The following NAV3 variants were observed in gnomAD, a reference collection of about 807,000 sequenced individuals.
NAV3 encodes pore membrane and/or filament interacting like protein 1.
Under a neutral mutation model 244.7 loss-of-function variants are expected in NAV3, and 87 were observed. That is an observed-to-expected ratio of 0.36 (90% CI 0.30 to 0.42). The LOEUF (loss-of-function observed/expected upper bound fraction) is 0.42. NAV3 is among the 20% of genes least tolerant of loss of function. The probability of loss-of-function intolerance (pLI) is 1.00; values close to 1 mark genes in which losing one functional copy is unlikely to be tolerated. For synonymous variants in NAV3, 1,126 were observed against 1,042.2 expected (o/e 1.08, Z -1.55); for missense variants, 2,663 against 2,893.3 (o/e 0.92, Z 1.83).
intron 34 of NAV3, among the ~76,000 whole-genome samples, chr12:78,192,446 C>T (rs1222637613): frequency 6.6e-6 from 1 of 150,614 alleles, no homozygotes; most frequent in Non-Finnish European, 1.5e-5. Flanking sequence ...TGCTCTGTTG[C>T]CCAAGCTGGA....
At chr12:77,728,541 G>T (rs532867431) in intron 2 of NAV3, among the ~76,000 whole-genome samples, 2 of 151,892 alleles carry the variant, frequency 1.3e-5, no homozygotes, top group Non-Finnish European at 2.9e-5. Context: ...TGGACAAAAT[G>T]ATATAAAACA....
chr12:78,184,827 A>T (rs982251301), intron 30 of NAV3, among the ~76,000 whole-genome samples: 10 of 151,812 alleles, frequency 6.6e-5, no homozygotes, highest in South Asian at 2.1e-4. Context: ...GTTCTATGAT[A>T]GTATTATTAT....
chr12:78,059,192 A>G, intron 12 of NAV3, 77 bp downstream of exon 12: 1 of 1,373,548 alleles, frequency 7.3e-7, no homozygotes, highest in African/African-American at 1.5e-5. Context: ...GAAAACTCCT[A>G]TTAAACAGTG....
intron 39 of NAV3, among the ~76,000 whole-genome samples, chr12:78,209,328 T>C (rs1960654931): frequency 6.8e-6 from 1 of 147,530 alleles, no homozygotes; most frequent in Non-Finnish European, 1.5e-5. Flanking sequence ...GTTTTTTAGA[T>C]TTCTCCTTTC....
chr12:77,668,213 CCAAA>C (rs910234146), intron 2 of NAV3, among the ~76,000 whole-genome samples: 1 of 152,044 alleles, frequency 6.6e-6, no homozygotes, highest in African/African-American at 2.4e-5. Context: ...AGTAATATGA[CCAAA>C]CAAAGTTCTT....
chr12:77,877,324 G>T (rs1170160277), intron 1 of NAV3, among the ~76,000 whole-genome samples: 1 of 151,564 alleles, frequency 6.6e-6, no homozygotes, highest in African/African-American at 2.4e-5. Context: ...AATTTCAATG[G>T]GCTTTGCTTA....
At chr12:77,930,761 T>G (rs931110437) in intron 1 of NAV3, among the ~76,000 whole-genome samples, 1 of 152,236 alleles carries the variant, frequency 6.6e-6, no homozygotes, top group Non-Finnish European at 1.5e-5. Context: ...CTTAGAATGT[T>G]TTTGTATAAT....
At chr12:77,940,565 T>C in intron 2 of NAV3, 129 bp downstream of exon 2, 1 of 699,978 alleles carries the variant, frequency 1.4e-6, no homozygotes, top group Non-Finnish European at 2.4e-6. Context: ...TCTCCCCTGA[T>C]TTAATTAAAA....
chr12:77,635,078 A>G (rs1872098544), intron 2 of NAV3, among the ~76,000 whole-genome samples: 1 of 152,086 alleles, frequency 6.6e-6, no homozygotes, highest in South Asian at 2.1e-4. Context: ...AGAACACAAA[A>G]ACTAGCCAGG....
At position 78,118,301 on chromosome 12, in the gene NAV3, G is replaced by A. The variant is rs773172571; in HGVS notation, c.3040+4G>A. The A allele has an allele frequency of 7.0e-6, 11 of 1,582,206 alleles. No individual in the cohort carries two copies. The highest frequency in any genetic ancestry group is 9.5e-6 in the Non-Finnish European group (11 of 1,161,362). On this transcript the variant is annotated splice_donor_region_variant and intron_variant, in intron 14 of 39. Transcript: ENST00000397909. ...ACAAGTGCACTCAAAACACCCGGTA[G>A]GCTTGTCGTTTGCCAGCTGTTATGC...
At chr12:78,046,804 T>A (rs1458776587) in intron 9 of NAV3, among the ~76,000 whole-genome samples, 1 of 152,152 alleles carries the variant, frequency 6.6e-6, no homozygotes, top group Non-Finnish European at 1.5e-5. Context: ...TTCTGTCTCA[T>A]TGATCTGTCT....
At chr12:78,096,831 G>A (rs1352736310) in intron 12 of NAV3, among the ~76,000 whole-genome samples, 3 of 152,124 alleles carry the variant, frequency 2.0e-5, no homozygotes, top group Non-Finnish European at 2.9e-5. Context: ...CCATTCTGTT[G>A]AGGTTCTGAG....
intron 2 of NAV3, among the ~76,000 whole-genome samples, chr12:77,653,090 C>G (rs1235961220): frequency 2.0e-5 from 3 of 152,090 alleles, no homozygotes; most frequent in African/African-American, 7.2e-5. Context: ...GGGTCAGAGC[C>G]TTTAATATTG....
At position 77,797,524 on chromosome 12, in the gene NAV3, GTTTTTT is replaced by G. The variant is rs33912743; in HGVS notation, c.73-142775_73-142770del. Among the ~76,000 whole-genome samples the G allele has an allele frequency of 4.0e-5, 4 of 100,546 alleles. No homozygotes were observed. The East Asian group carries it at 8.5e-4, about 21-fold the overall frequency. 66.0% of individuals were successfully genotyped at this position (100,546 alleles called of 152,430 possible). On this transcript the variant is annotated intron_variant, in intron 2 of 8. Coordinates refer to the NAV3 transcript ENST00000550042. ...GTCTTAAACGTAGAATCTTTAAAAA[GTTTTTT>G]TTTTTTTTTTTTTTTTTTTAAAGTA...
chr12:78,209,896 C>T (rs986812029), intron 39 of NAV3, among the ~76,000 whole-genome samples: 20 of 152,218 alleles, frequency 1.3e-4, no homozygotes, highest in African/African-American at 4.6e-4. Context: ...AGGTCAGCTC[C>T]TAAACAGCAG....
intron 12 of NAV3, among the ~76,000 whole-genome samples, chr12:78,080,993 G>GT (rs1276428796): frequency 6.6e-6 from 1 of 152,184 alleles, no homozygotes; most frequent in African/African-American, 2.4e-5. Flanking sequence ...TTTAGAGATC[G>GT]TATCCATTTG....
In NAV3 at chr12:78,122,398, C is replaced by T. The variant is rs1955713145; in HGVS notation, c.4208C>T (p.Thr1403Met). The part of the protein sequence containing the change: ...THEVQSLLMR[T>M]GSVRSTLSES... ...GAGGTCCAGAGCCTGCTCATGAGAA[C>T]GGGTAGTGTGAGATCTACTCTCTCA... The change falls in exon 16 of 40, where the codon ACG becomes ATG. Residue 1403 changes from threonine to methionine, a missense_variant. Thr to Met is a moderately conservative substitution (Grantham distance 81). Transcript: ENST00000397909. The T allele has an allele frequency of 2.5e-6, 4 of 1,609,298 alleles. No individual in the cohort carries two copies. The highest frequency in any genetic ancestry group is 2.2e-5 in the South Asian group (2 of 90,446).
rs2139850845 is a variant in NAV3, at chr12:78,188,637, C to G, written c.5915C>G (p.Thr1972Ser). Residue 1972 changes from threonine to serine, a missense_variant, in exon 33 of 40, where the codon ACT (threonine) becomes AGT (serine). By Grantham distance (58) the Thr-to-Ser change is moderately conservative (BLOSUM62 1). Coordinates refer to ENST00000397909, the MANE Select transcript of NAV3 (RefSeq NM_001024383.2). Reference sequence around the variant, plus strand: ...TATGTATTCCGAATTGATACATCCACTAGCCTTGGTCTGAGCTCTGACTGC... The same window carrying G: ...TATGTATTCCGAATTGATACATCCAGTAGCCTTGGTCTGAGCTCTGACTGC... ...KEYVFRIDTS[T>S]SLGLSSDCIA... 1 of 1,611,740 alleles carries G rather than the reference C, an allele frequency of 6.2e-7. No homozygotes were observed. Among genetic ancestry groups the G allele is most frequent in the Non-Finnish European group, 8.5e-7 (1 of 1,178,754 alleles).
At chr12:77,913,157 T>C (rs991862071) in intron 1 of NAV3, among the ~76,000 whole-genome samples, 27 of 152,202 alleles carry the variant, frequency 1.8e-4, no homozygotes, top group Middle Eastern at 6.8e-3. Context: ...GTGTTACATA[T>C]ACGTGTACTT....
Sources: allele counts gnomAD v4.1 joint callset (sites outside exome capture counted in the v4.1 genomes callset), GRCh38; gene constraint gnomAD v4.1.1; transcripts MANE v1.5; gene names NCBI Gene and HGNC (gene_info 2026-07-23, HGNC 2026-07-21).